Variants in ADGRV1 observed in about 807,000 individuals in gnomAD.
ADGRV1 encodes adhesion G protein-coupled receptor V1.
Under a neutral mutation model 596.2 loss-of-function variants are expected in ADGRV1, and 359 were observed. The observed-to-expected ratio is 0.60, with a 90% CI of 0.55 to 0.66. The LOEUF (loss-of-function observed/expected upper bound fraction) is 0.66, where lower values mean the gene tolerates loss of function less well. Ranked by LOEUF, ADGRV1 falls within the 30% of genes least tolerant of loss-of-function variation. The pLI, the probability that ADGRV1 is intolerant of heterozygous loss-of-function variation, is 0.00. For synonymous variants in ADGRV1, 2,681 were observed against 2,679.2 expected, an observed-to-expected ratio of 1.00 and a Z score of -0.02; for missense variants, 7,274 against 7,575.6, an observed-to-expected ratio of 0.96 and a Z score of 1.48.
intron 76 of ADGRV1, among the ~76,000 whole-genome samples, chr5:90,826,742 A>G (rs1764111017): frequency 6.6e-6 from 1 of 152,160 alleles, no homozygotes; most frequent in Non-Finnish European, 1.5e-5. Context: ...GCATCCACAG[A>G]ATTACACCAC....
rs534159467 is a variant in ADGRV1, at chr5:90,895,744, G to A, written c.17856+31887G>A. Among the ~76,000 whole-genome samples, 82 of 152,276 alleles carry A rather than the reference G, an allele frequency of 5.4e-4. 1 individual carries two copies. The highest frequency in any genetic ancestry group is 1.9e-3 in the African/African-American group (80 of 41,548). On this transcript the variant is annotated intron_variant, in intron 83 of 89. Coordinates refer to ENST00000405460, the MANE Select transcript of ADGRV1 (RefSeq NM_032119.4). Reference sequence around the variant, plus strand: ...AATAGCTTCTAATTTGCTGGTAATAGTTTTAACTTGCTGTCCTCCAGTTTG... The same window carrying A: ...AATAGCTTCTAATTTGCTGGTAATAATTTTAACTTGCTGTCCTCCAGTTTG...
chr5:91,105,936 A>AAAAGG (rs1370698736), intron 87 of ADGRV1, among the ~76,000 whole-genome samples: 1 of 150,870 alleles, frequency 6.6e-6, no homozygotes, highest in African/African-American at 2.4e-5. Flanking sequence ...TTCTTATTAT[A>AAAAGG]TTTATAAACC....
At chr5:90,631,683 C>G (rs1193143037) in intron 9 of ADGRV1, among the ~76,000 whole-genome samples, 3 of 152,146 alleles carry the variant, frequency 2.0e-5, no homozygotes, top group South Asian at 2.1e-4. Flanking sequence ...GAACACGGCT[C>G]TATTCACAAT....
chr5:91,099,254 C>T (rs1307809752), intron 86 of ADGRV1, among the ~76,000 whole-genome samples: 2 of 151,838 alleles, frequency 1.3e-5, no homozygotes, highest in South Asian at 2.1e-4. Context: ...CTTCTAAAGC[C>T]TTATTTCTCT....
chr5:90,694,841 G>A, intron 33 of ADGRV1, 140 bp downstream of exon 33: 1 of 731,286 alleles, frequency 1.4e-6, no homozygotes, highest in Non-Finnish European at 2.1e-6. Context: ...GAAAAAAATA[G>A]AAGTTAATTG....
At chr5:90,755,771 T>C (rs1293439597) in intron 55 of ADGRV1, among the ~76,000 whole-genome samples, 4 of 149,228 alleles carry the variant, frequency 2.7e-5, no homozygotes, top group Non-Finnish European at 5.9e-5. Flanking sequence ...TATAAAATAA[T>C]AACAAAATGT....
chr5:90,763,243 T>A, intron 58 of ADGRV1, 62 bp from the exon 59 acceptor site: 1 of 1,211,930 alleles, frequency 8.3e-7, no homozygotes, highest in Non-Finnish European at 1.1e-6. Context: ...AAGATTCTAC[T>A]TGTTTATCCT....
At chr5:90,913,033 T>A (rs1038343967) in intron 83 of ADGRV1, among the ~76,000 whole-genome samples, 1 of 152,250 alleles carries the variant, frequency 6.6e-6, no homozygotes, top group Middle Eastern at 3.2e-3. Context: ...GCAAACATTT[T>A]AACTTGTAAG....
rs150440716 is a variant in ADGRV1 at position 90,577,268 on chromosome 5, T to G, written c.22+18351T>G. Among the ~76,000 whole-genome samples, 364 of 152,354 alleles carry G rather than the reference T, an allele frequency of 2.4e-3. 5 individuals carry two copies. The highest frequency in any genetic ancestry group is 8.5e-3 in the African/African-American group (355 of 41,576). On this transcript the variant is annotated intron_variant, in intron 1 of 89. Coordinates refer to ENST00000405460, the MANE Select transcript of ADGRV1 (RefSeq NM_032119.4). ...GTTTTAGGTCAAACATTTAAGTCTT[T>G]AATCCATCTTGAATAATTTTTGTAT...
intron 85 of ADGRV1, among the ~76,000 whole-genome samples, chr5:91,068,830 C>G (rs557652743): frequency 6.6e-6 from 1 of 151,778 alleles, no homozygotes; most frequent in Admixed American, 6.6e-5. Context: ...GCCTGAATAG[C>G]CAAAGAAATC....
chr5:90,881,050 C>A (rs1254760453), intron 83 of ADGRV1, among the ~76,000 whole-genome samples: 1 of 152,140 alleles, frequency 6.6e-6, no homozygotes, highest in African/African-American at 2.4e-5. Flanking sequence ...TTTCTTCATA[C>A]CTGGATAATG....
chr5:90,797,706 A>T (rs888473179), intron 70 of ADGRV1, among the ~76,000 whole-genome samples: 1 of 152,220 alleles, frequency 6.6e-6, no homozygotes, highest in Non-Finnish European at 1.5e-5. Flanking sequence ...ACTTATTCTA[A>T]AATTGACCAC....
intron 1 of ADGRV1, 73 bp downstream of exon 1, chr5:90,558,990 T>A: frequency 2.2e-6 from 3 of 1,339,216 alleles, no homozygotes; most frequent in Non-Finnish European, 3.0e-6. Flanking sequence ...TCAGCACCTG[T>A]TGCTGCAGGT....
intron 48 of ADGRV1, among the ~76,000 whole-genome samples, chr5:90,727,485 ATCCATT>A (rs1429131914): frequency 6.6e-6 from 1 of 152,116 alleles, no homozygotes; most frequent in African/African-American, 2.4e-5. Context: ...ACCTCCTCAG[ATCCATT>A]CTCCATTGAG....
chr5:90,591,867 G>A (rs1012743891), intron 1 of ADGRV1, among the ~76,000 whole-genome samples: 1 of 152,170 alleles, frequency 6.6e-6, no homozygotes, highest in Admixed American at 6.5e-5. Context: ...TTATTTCAGT[G>A]AATCCTCACA....
chr5:90,858,635 A>G (rs117415147), intron 82 of ADGRV1, among the ~76,000 whole-genome samples: 3,894 of 152,222 alleles, frequency 0.026, 161 homozygotes, highest in East Asian at 0.19. Flanking sequence ...AATGTGAACC[A>G]CCATGCCTGG....
At chr5:91,149,169 T>A (rs1307391833) in intron 87 of ADGRV1, among the ~76,000 whole-genome samples, 1 of 152,192 alleles carries the variant, frequency 6.6e-6, no homozygotes, top group Non-Finnish European at 1.5e-5. Flanking sequence ...TGGGAGACTG[T>A]TGGAAGGACA....
Position 90,684,210 on chromosome 5 carries a change from G to C in ADGRV1, c.6274+15G>C. On this transcript the variant is annotated intron_variant, in intron 28 of 89. Transcript: ENST00000405460. ...GAGTCGTTCAAGTAAGTATCCCTTA[G>C]TGTGTTATTATTATTATTAGCTCTC... 6.3e-7 allele frequency: 1 copy of C among 1,575,388 alleles called. No individual in the cohort carries two copies.
rs371862819 is a variant in ADGRV1, at chr5:90,690,791, C to T, written c.6707-6C>T. The T allele has an allele frequency of 4.4e-6, 7 of 1,589,174 alleles. No homozygotes were observed. In the African/African-American group the frequency reaches 8.1e-5, roughly 18 times the overall value. On this transcript the variant is annotated splice_polypyrimidine_tract_variant and splice_region_variant and intron_variant, in intron 30 of 89. Coordinates refer to ENST00000405460, the MANE Select transcript of ADGRV1 (RefSeq NM_032119.4). ...TGAAATGAACTCTGCTCTGTCTACCCTTCAGGTTTTCAGATTACTAAACTT... is the reference window on the plus strand; with the variant it reads ...TGAAATGAACTCTGCTCTGTCTACCTTTCAGGTTTTCAGATTACTAAACTT...
Sources: gnomAD v4.1 joint callset for allele counts (sites outside exome capture counted in the v4.1 genomes callset) on GRCh38, gnomAD v4.1.1 for gene constraint, MANE v1.5 for transcripts, NCBI Gene and HGNC (gene_info 2026-07-23, HGNC 2026-07-21) for gene names.